The following ENOSF1 variants were observed in gnomAD, a reference collection of about 807,000 sequenced individuals.
ENOSF1 encodes the protein mitochondrial enolase superfamily member 1.
ENOSF1 carries 73 observed loss-of-function variants against 68.2 expected under a neutral mutation model. The ratio of observed to expected loss-of-function variants is 1.07; its 90% confidence interval spans 0.89 to 1.30. ENOSF1 has a LOEUF of 1.30. Ranked by LOEUF, ENOSF1 falls within the 50% of genes most tolerant of loss-of-function variation. ENOSF1 has a pLI of 0.00. For missense variants in ENOSF1, 589 were observed against 554.5 expected (o/e 1.06, Z -0.62); for synonymous variants, 223 against 210.4 (o/e 1.06, Z -0.52).
intron 8 of ENOSF1, 145 bp downstream of exon 8, chr18:690,404 T>C: frequency 1.2e-6 from 1 of 838,814 alleles, no homozygotes; most frequent in African/African-American, 1.7e-5. Flanking sequence ...CACAGAGAAG[T>C]GGAGAACTGG....
intron 14 of ENOSF1, 54 bp downstream of exon 14, chr18:677,291 G>A: frequency 7.0e-7 from 1 of 1,427,520 alleles, no homozygotes; most frequent in Non-Finnish European, 9.9e-7. Flanking sequence ...ACAAGCTCTG[G>A]CCTGGATTGA....
At position 671,287 on chromosome 18, in the gene ENOSF1, G is replaced by A; in HGVS notation, c.*3018C>T. On this transcript the variant is annotated 3_prime_UTR_variant, in exon 16 of 16. Transcript: ENST00000647584. ...ACACTAAATTATTTTTTTAAAAAAA[G>A]CCTTGCGGTGTCTGCATATTCTAAT... The A allele has an allele frequency of 1.2e-6, 1 of 863,666 alleles. No homozygotes were observed. Among genetic ancestry groups the A allele is most frequent in the Non-Finnish European group, 2.0e-6 (1 of 511,164 alleles). The allele number at this position is 863,666 out of a possible 1,614,324, so 53.5% of individuals were successfully genotyped here.
intron 2 of ENOSF1, among the ~76,000 whole-genome samples, chr18:701,086 G>A (rs1418904920): frequency 6.6e-6 from 1 of 151,970 alleles, no homozygotes; most frequent in African/African-American, 2.4e-5. Flanking sequence ...TAAAGTCTGT[G>A]GGTGACTTGT....
the ENOSF1 span, among the ~76,000 whole-genome samples, chr18:664,060 A>G: frequency 7.2e-6 from 1 of 139,242 alleles, no homozygotes; most frequent in South Asian, 2.4e-4. Flanking sequence ...GAAGAAAGTC[A>G]TTGGTAGCTT....
chr18:706,425 C>T, intron 2 of ENOSF1, 45 bp downstream of exon 2: 1 of 1,225,546 alleles, frequency 8.2e-7, no homozygotes, highest in East Asian at 2.3e-5. Flanking sequence ...AGAATCTCAT[C>T]TGAAAATTAA....
At chr18:691,020 GTGGACAA>G (rs1463227303) in intron 7 of ENOSF1, 41 bp downstream of exon 7, 21 of 1,602,882 alleles carry the variant, frequency 1.3e-5, no homozygotes, top group Non-Finnish European at 1.8e-5. Flanking sequence ...GCACTCAAAA[GTGGACAA>G]TGTTAGCAAA....
chr18:702,639 G>GTGAGGTGGGACAA (rs1443012768), intron 2 of ENOSF1, among the ~76,000 whole-genome samples: 1 of 151,838 alleles, frequency 6.6e-6, no homozygotes, highest in Non-Finnish European at 1.5e-5. Context: ...ACTCGGGAAG[G>GTGAGGTGGGACAA]TGAGGTGGGA....
In ENOSF1 at chr18:688,796, C is replaced by T. The variant is rs528799765; in HGVS notation, c.619-188G>A. 6.6e-5 allele frequency among the ~76,000 whole-genome samples: 10 copies of T among 152,306 alleles called. No individual in the cohort carries two copies. In the South Asian group the frequency reaches 1.7e-3, roughly 25 times the overall value. On this transcript the variant is annotated intron_variant, in intron 8 of 15. Coordinates refer to ENST00000647584, the MANE Select transcript of ENOSF1 (RefSeq NM_017512.7). ...AGATCACTTTTTACTTGTAGGGTGA[C>T]TTTCTTTCCTCATCTCTATGGGAAC...
chr18:672,727 G>A lies in ENOSF1; in HGVS notation c.*1578C>T. ...ATCATGTTACATAACCTACGGCAAG[G>A]TATCGACAGGATCATACTCCTGTAA... On this transcript the variant is annotated 3_prime_UTR_variant, in exon 16 of 16. Transcript: ENST00000647584. The A allele has an allele frequency of 1.0e-6, 1 of 984,874 alleles. No homozygotes were observed. The highest frequency in any genetic ancestry group is 2.4e-5 in the Admixed American group (1 of 42,488). The allele number at this position is 984,874 out of a possible 1,614,324, so 61.0% of individuals were successfully genotyped here.
intron 2 of ENOSF1, 124 bp from the exon 3 acceptor site, chr18:697,479 G>A (rs911062972): frequency 4.3e-5 from 31 of 727,824 alleles, no homozygotes; most frequent in Non-Finnish European, 3.6e-5. Context: ...GGCCAGGCGC[G>A]GTGGCTCATG....
intron 14 of ENOSF1, 197 bp from the exon 15 acceptor site, chr18:675,599 G>A (rs1043761905): frequency 1.2e-5 from 7 of 577,000 alleles, no homozygotes; most frequent in South Asian, 8.5e-5. Context: ...AGCAATGTGA[G>A]GTGGGGACTT....
chr18:694,421 T>G, intron 3 of ENOSF1, 87 bp from the exon 4 acceptor site: 1 of 1,280,006 alleles, frequency 7.8e-7, no homozygotes, highest in Non-Finnish European at 1.1e-6. Flanking sequence ...ACCCAGGACT[T>G]TGGGACCAAG....
At chr18:705,988 G>A (rs1181026818) in intron 2 of ENOSF1, among the ~76,000 whole-genome samples, 5 of 152,108 alleles carry the variant, frequency 3.3e-5, no homozygotes, top group South Asian at 2.1e-4. Flanking sequence ...CAGCCTGGGC[G>A]ACAGAGTGAG....
intron 11 of ENOSF1, 107 bp from the exon 12 acceptor site, chr18:678,844 C>T: frequency 8.2e-7 from 1 of 1,214,500 alleles, no homozygotes; most frequent in South Asian, 1.3e-5. Context: ...TGCTGTTAAG[C>T]CATGTGAAGG....
intron 1 of ENOSF1, among the ~76,000 whole-genome samples, chr18:711,532 G>C (rs116607280): frequency 6.6e-6 from 1 of 151,952 alleles, no homozygotes; most frequent in Non-Finnish European, 1.5e-5. Context: ...CTTTTCTAGC[G>C]CGGCCAATCT....
chr18:674,521 TAA>T (rs1321286835), intron 15 of ENOSF1, 115 bp from the exon 16 acceptor site: 197 of 679,154 alleles, frequency 2.9e-4, no homozygotes, highest in Non-Finnish European at 4.0e-4. Context: ...GGCAATTAAT[TAA>T]TTTTTTTTTT....
intron 3 of ENOSF1, among the ~76,000 whole-genome samples, chr18:696,204 CTTTTTT>C (rs368856668): frequency 5.2e-4 from 62 of 118,704 alleles, no homozygotes; most frequent in African/African-American, 8.0e-4. Context: ...ACATCTCTCT[CTTTTTT>C]TTTTTTTTTT....
At chr18:665,387 C>T (rs373553328), downstream of ENOSF1, among the ~76,000 whole-genome samples, 146 of 151,530 alleles carry the variant, frequency 9.6e-4, no homozygotes, top group African/African-American at 3.1e-3. Context: ...TTTTTTATTG[C>T]GTCTATTTGA....
chr18:710,388 G>C lies in ENOSF1; in HGVS notation c.84+2116C>G, dbSNP rs78501210. ...GCCTTCCAAAGTGCTGGGATTATAG[G>C]CTTGAACCACCACGCTCAGCCAAAC... is the stretch of plus-strand genomic sequence containing the variant. On this transcript the variant is annotated intron_variant, in intron 1 of 15. Coordinates refer to ENST00000647584, the MANE Select transcript of ENOSF1 (RefSeq NM_017512.7). Among the ~76,000 whole-genome samples the C allele has an allele frequency of 4.5e-4, 68 of 152,042 alleles. 2 individuals are homozygous for C. The East Asian group carries it at 0.013, about 29-fold the overall frequency.
Sources: allele counts gnomAD v4.1 joint callset (sites outside exome capture counted in the v4.1 genomes callset), GRCh38; gene constraint gnomAD v4.1.1; transcripts MANE v1.5; gene names NCBI Gene and HGNC (gene_info 2026-07-23, HGNC 2026-07-21).